The following ACSL5 variants were observed in gnomAD, a reference collection of about 807,000 sequenced individuals.
ACSL5 encodes long-chain-fatty-acid--CoA ligase 5.
A neutral mutation model predicts 84.9 loss-of-function variants in ACSL5; 50 were observed. The ratio of observed to expected loss-of-function variants is 0.59; its 90% CI spans 0.47 to 0.75. The LOEUF (loss-of-function observed/expected upper bound fraction) is 0.75, where lower values mean the gene tolerates loss of function less well. Ranked by LOEUF, ACSL5 falls within the 30% of genes least tolerant of loss-of-function variation. The pLI, the probability that ACSL5 is intolerant of heterozygous loss-of-function variation, is 0.00. For synonymous variants in ACSL5, 280 were observed against 300.7 expected, an observed-to-expected ratio of 0.93 and a Z score of 0.71; for missense variants, 775 against 830.4, an observed-to-expected ratio of 0.93 and a Z score of 0.82.
chr10:112,411,877 C>T (rs1255600344), intron 10 of ACSL5, 25 bp from the exon 11 acceptor site: 1 of 1,599,388 alleles, frequency 6.3e-7, no homozygotes, highest in Non-Finnish European at 8.6e-7. Context: ...CATGTTGCCT[C>T]CTCTTACTTC....
chr10:112,406,888 T>A (rs1457763356), intron 5 of ACSL5, among the ~76,000 whole-genome samples: 1 of 152,150 alleles, frequency 6.6e-6, no homozygotes, highest in African/African-American at 2.4e-5. Context: ...GAACAATGTA[T>A]TAGTCTGTTT....
chr10:112,395,062 T>G lies in ACSL5; in HGVS notation c.116T>G (p.Leu39Ter). 1 of 1,614,118 alleles carries G rather than the reference T, an allele frequency of 6.2e-7. No individual in the cohort carries two copies. Among genetic ancestry groups the G allele is most frequent in the Non-Finnish European group, 8.5e-7 (1 of 1,180,014 alleles). ...LWLITRPQPVLPLLDLNNQSV... is the reference protein window; with the variant it reads ...LWLITRPQPV ...CTGATCACCAGACCTCAACCCGTCT[T>G]ACCTCTTCTTGACCTGAACAATCAG... The change falls in exon 2 of 21, where the codon TTA (leucine) becomes TGA (stop). Residue 39 changes from leucine (L) to a stop codon, truncating the protein, a stop_gained. Transcript: ENST00000354655. LOFTEE classifies it high-confidence loss of function.
At chr10:112,399,925 A>T (rs1214238786) in intron 3 of ACSL5, among the ~76,000 whole-genome samples, 1 of 152,240 alleles carries the variant, frequency 6.6e-6, no homozygotes, top group Non-Finnish European at 1.5e-5. Context: ...GTCAGAGCTG[A>T]TAGGAAAATC....
chr10:112,378,269 C>T (rs1478670481), intron 1 of ACSL5, among the ~76,000 whole-genome samples: 47 of 118,214 alleles, frequency 4.0e-4, no homozygotes, highest in Non-Finnish European at 7.0e-4. Flanking sequence ...GGAGGAGCCT[C>T]ACTCTGTCAC....
rs1284798290 is a variant in ACSL5, at chr10:112,398,062, T to G, written c.157-839T>G. On this transcript the variant is annotated intron_variant, in intron 2 of 20. Coordinates refer to ENST00000354655, the MANE Select transcript of ACSL5 (RefSeq NM_203379.2). Reference sequence around the variant, plus strand: ...TTTTCTTTTTTTTTTTTTTTTTTTTTTTTTTTTTTTTTTTTTTTTTTGAGA... The same window carrying G: ...TTTTCTTTTTTTTTTTTTTTTTTTTGTTTTTTTTTTTTTTTTTTTTTGAGA... Among the ~76,000 whole-genome samples the G allele has an allele frequency of 2.8e-4, 2 of 7,064 alleles. 1 individual carries two copies. The highest frequency in any genetic ancestry group is 8.8e-4 in the African/African-American group (2 of 2,270). The allele number at this position is 7,064 out of a possible 152,430, so 4.6% of individuals were successfully genotyped here.
At chr10:112,398,411 T>C (rs1843794523) in intron 2 of ACSL5, among the ~76,000 whole-genome samples, 1 of 151,794 alleles carries the variant, frequency 6.6e-6, no homozygotes, top group African/African-American at 2.4e-5. Flanking sequence ...GTATTTTCTT[T>C]TTTTTTTTTC....
intron 1 of ACSL5, among the ~76,000 whole-genome samples, chr10:112,380,078 C>T (rs980717245): frequency 7.2e-5 from 11 of 152,122 alleles, no homozygotes; most frequent in Admixed American, 3.9e-4. Flanking sequence ...CAGCAGCAGG[C>T]CTGGGATGCC....
rs1437605618 is a variant in ACSL5 at position 112,376,159 on chromosome 10, G to C, written c.-30+1890G>C. On this transcript the variant is annotated intron_variant, in intron 1 of 20. Coordinates refer to ENST00000354655, the MANE Select transcript of ACSL5 (RefSeq NM_203379.2). ...TAGCTTTGGCAGCTTCTCCCCTCCTGGTCAGAACACTTCCACTTTCAGTTG... is the reference window on the plus strand; with the variant it reads ...TAGCTTTGGCAGCTTCTCCCCTCCTCGTCAGAACACTTCCACTTTCAGTTG... 2.7e-5 allele frequency: 31 copies of C among 1,130,832 alleles called. No homozygotes were observed. In the East Asian group the frequency reaches 6.2e-4, roughly 23 times the overall value. 70.0% of individuals were successfully genotyped at this position (1,130,832 alleles called of 1,614,324 possible).
chr10:112,378,933 C>A (rs1849295589), intron 1 of ACSL5, among the ~76,000 whole-genome samples: 1 of 152,166 alleles, frequency 6.6e-6, no homozygotes, highest in African/African-American at 2.4e-5. Flanking sequence ...TGTGGTCAGG[C>A]CACACTATTA....
chr10:112,418,188 T>G (rs1844362272), intron 14 of ACSL5, among the ~76,000 whole-genome samples: 2 of 152,192 alleles, frequency 1.3e-5, no homozygotes, highest in Admixed American at 1.3e-4. Context: ...TCAGCATCAT[T>G]TTAATGATTT....
intron 1 of ACSL5, chr10:112,376,513 A>G: frequency 6.2e-7 from 1 of 1,600,884 alleles, no homozygotes; most frequent in Non-Finnish European, 8.5e-7. Context: ...ACAGAGGCCA[A>G]GGGGGCATCC....
intron 1 of ACSL5, among the ~76,000 whole-genome samples, chr10:112,392,666 G>A (rs187367481): frequency 2.1e-3 from 314 of 151,918 alleles, no homozygotes; most frequent in Non-Finnish European, 3.3e-3. Flanking sequence ...GCGTGAACCC[G>A]GGAGGTGGAG....
chr10:112,379,241 C>T (rs891191717), intron 1 of ACSL5, among the ~76,000 whole-genome samples: 5 of 152,088 alleles, frequency 3.3e-5, no homozygotes, highest in Non-Finnish European at 7.4e-5. Context: ...CCCATCTCTG[C>T]TAAAAATACA....
At chr10:112,411,311 C>T in intron 9 of ACSL5, 145 bp from the exon 10 acceptor site, 2 of 665,610 alleles carry the variant, frequency 3.0e-6, no homozygotes, top group Non-Finnish European at 5.2e-6. Context: ...TAAACAGAGG[C>T]ATATACCATC....
intron 14 of ACSL5, chr10:112,418,891 G>A (rs1327428448): frequency 6.7e-6 from 1 of 148,400 alleles, no homozygotes; most frequent in Non-Finnish European, 1.5e-5. Flanking sequence ...CTATCTCAGG[G>A]GCAGCACAGA....
intron 14 of ACSL5, among the ~76,000 whole-genome samples, chr10:112,418,455 G>C (rs577941626): frequency 3.3e-5 from 5 of 152,066 alleles, no homozygotes; most frequent in African/African-American, 1.2e-4. Context: ...GGTGGTGGGC[G>C]CCTGTAGTCC....
chr10:112,420,918 C>T, intron 14 of ACSL5, among the ~76,000 whole-genome samples: 1 of 152,118 alleles, frequency 6.6e-6, no homozygotes. Context: ...GATGGGGTTT[C>T]ACCATGTTGG....
chr10:112,420,514 C>G (rs1844431443), intron 14 of ACSL5, among the ~76,000 whole-genome samples: 1 of 152,072 alleles, frequency 6.6e-6, no homozygotes, highest in Non-Finnish European at 1.5e-5. Flanking sequence ...ACTATCTTGG[C>G]CTGTACAGAT....
rs1849198439 is a variant in ACSL5, at chr10:112,374,148, T to G, written c.-151T>G. 1 of 152,170 alleles carries G rather than the reference T, an allele frequency of 6.6e-6. No individual in the cohort carries two copies. The highest frequency in any genetic ancestry group is 6.5e-5 in the Admixed American group (1 of 15,278). 9.4% of individuals were successfully genotyped at this position (152,170 alleles called of 1,614,324 possible). ...GGACAGTACACAGTAGCTTCGGGTG[T>G]GTCCCAGTCAGTCCTAGGAGCTGTG... is the stretch of plus-strand genomic sequence containing the variant. On this transcript the variant is annotated 5_prime_UTR_variant, in exon 1 of 21. Transcript: ENST00000354655.
Sources: gnomAD v4.1 joint callset for allele counts (sites outside exome capture counted in the v4.1 genomes callset) on GRCh38, gnomAD v4.1.1 for gene constraint, MANE v1.5 for transcripts, NCBI Gene and HGNC (gene_info 2026-07-23, HGNC 2026-07-21) for gene names.